The following CACNA2D1 variants were observed in gnomAD, a reference collection of about 807,000 sequenced individuals.
CACNA2D1 encodes voltage-dependent calcium channel subunit alpha-2/delta-1.
In CACNA2D1, 53 loss-of-function variants were observed where a neutral mutation model predicts 171.5. That is an observed-to-expected ratio of 0.31 (90% CI 0.25 to 0.39). The LOEUF (loss-of-function observed/expected upper bound fraction) is 0.39. CACNA2D1 is among the 10% of genes least tolerant of loss of function. The probability of loss-of-function intolerance (pLI) is 1.00; values close to 1 mark genes in which losing one functional copy is unlikely to be tolerated. For synonymous variants in CACNA2D1, 442 were observed against 443.1 expected (o/e 1.00, Z 0.03); for missense variants, 903 against 1,299.8 (o/e 0.69, Z 4.69).
Position 81,954,645 on chromosome 7 carries a change from C to T in CACNA2D1, c.3160-4137G>A, listed in dbSNP as rs538831037. 6.4e-4 allele frequency among the ~76,000 whole-genome samples: 97 copies of T among 152,180 alleles called. 1 individual carries two copies. The highest frequency in any genetic ancestry group is 2.3e-3 in the African/African-American group (94 of 41,542). On this transcript the variant is annotated intron_variant, in intron 38 of 38. Coordinates refer to ENST00000356860, the MANE Select transcript of CACNA2D1 (RefSeq NM_000722.4). ...TTATTAAATTTAGAAGTACATGTTT[C>T]AAAAGAAAATGTTCTGGTCATTTGG...
chr7:81,970,906 G>A (rs376970992), intron 26 of CACNA2D1, 169 bp from the exon 27 acceptor site: 1 of 589,822 alleles, frequency 1.7e-6, no homozygotes, highest in South Asian at 1.9e-5. Flanking sequence ...GTACTTGAAG[G>A]ATGTTTAAGG....
At chr7:82,336,802 T>C (rs1818056456) in intron 2 of CACNA2D1, among the ~76,000 whole-genome samples, 1 of 152,198 alleles carries the variant, frequency 6.6e-6, no homozygotes, top group South Asian at 2.1e-4. Flanking sequence ...CCAGGATATG[T>C]AGTTCTTTGC....
At chr7:82,051,128 A>G (rs1402961217) in intron 10 of CACNA2D1, 1 of 154,728 alleles carries the variant, frequency 6.5e-6, no homozygotes, top group Non-Finnish European at 1.4e-5. Flanking sequence ...GGAAGCAAAG[A>G]CTTTTACAAT....
At chr7:82,269,019 A>G (rs1371872381) in intron 3 of CACNA2D1, among the ~76,000 whole-genome samples, 1 of 152,190 alleles carries the variant, frequency 6.6e-6, no homozygotes, top group African/African-American at 2.4e-5. Context: ...CCTCTCTTGT[A>G]TACTCTTTCT....
In CACNA2D1 at chr7:82,355,711, C is replaced by T. The variant is rs150399309; in HGVS notation, c.96-6062G>A. Among the ~76,000 whole-genome samples the T allele has an allele frequency of 1.1e-4, 16 of 152,154 alleles. No individual in the cohort carries two copies. In the East Asian group the frequency reaches 1.5e-3, roughly 15 times the overall value. On this transcript the variant is annotated intron_variant, in intron 1 of 38. Coordinates refer to ENST00000356860, the MANE Select transcript of CACNA2D1 (RefSeq NM_000722.4). ...CTTTTATATTATTATCATCTGACTC[C>T]TTTTCATTTTCCCAAAGCCAAATAT...
intron 4 of CACNA2D1, among the ~76,000 whole-genome samples, chr7:82,165,941 A>T (rs902296688): frequency 1.3e-5 from 2 of 152,022 alleles, no homozygotes; most frequent in African/African-American, 4.8e-5. Flanking sequence ...CTCACTTTTT[A>T]TCCCTAAAAG....
Position 81,990,842 on chromosome 7 carries a change from A to G in CACNA2D1, c.1796+343T>C, listed in dbSNP as rs113542576. Among the ~76,000 whole-genome samples, 1,389 of 152,320 alleles carry G rather than the reference A, an allele frequency of 9.1e-3. 24 individuals carry two copies. The highest frequency in any genetic ancestry group is 0.031 in the African/African-American group (1,302 of 41,562). On this transcript the variant is annotated intron_variant, in intron 21 of 38. Coordinates refer to ENST00000356860, the MANE Select transcript of CACNA2D1 (RefSeq NM_000722.4). ...ACCACAATGATGAGATAAGCTTTAT[A>G]TTTTAGTTAGTTTTCAACTCAAATG...
At chr7:82,414,523 T>G (rs1827983674) in intron 1 of CACNA2D1, among the ~76,000 whole-genome samples, 3 of 152,258 alleles carry the variant, frequency 2.0e-5, no homozygotes, top group Admixed American at 1.3e-4. Context: ...CAATAATCTA[T>G]TGCATACTAA....
chr7:82,169,041 T>G (rs2129145250), intron 4 of CACNA2D1, among the ~76,000 whole-genome samples: 1 of 152,228 alleles, frequency 6.6e-6, no homozygotes. Flanking sequence ...CATGCACGCT[T>G]TATGTTGTGG....
chr7:82,427,905 A>C, intron 1 of CACNA2D1, among the ~76,000 whole-genome samples: 1 of 152,120 alleles, frequency 6.6e-6, no homozygotes. Context: ...GCAGCAACCC[A>C]AGGCCAGATG....
At position 82,326,827 on chromosome 7, in the gene CACNA2D1, G is replaced by A. The variant is rs192606573; in HGVS notation, c.294+8308C>T. Among the ~76,000 whole-genome samples, 8 of 109,176 alleles carry A rather than the reference G, an allele frequency of 7.3e-5. 2 individuals are homozygous for A. The South Asian group carries it at 2.0e-3, about 27-fold the overall frequency. The allele number at this position is 109,176 out of a possible 152,430, so 71.6% of individuals were successfully genotyped here. On this transcript the variant is annotated intron_variant, in intron 3 of 38. Transcript: ENST00000356860. ...TGACCATTATCAGATCCTATCTAACGTGATTCCTGGTTTCAAATACTTCAA... is the reference window on the plus strand; with the variant it reads ...TGACCATTATCAGATCCTATCTAACATGATTCCTGGTTTCAAATACTTCAA...
At position 82,365,897 on chromosome 7, in the gene CACNA2D1, A is replaced by G. The variant is rs3801689; in HGVS notation, c.96-16248T>C. Among the ~76,000 whole-genome samples the G allele has an allele frequency of 5.3e-4, 81 of 152,314 alleles. No individual in the cohort carries two copies. The East Asian group carries it at 0.011, about 21-fold the overall frequency. ...TCCTGAACACAGTTAGATGACAGAC[A>G]AGAATATTGGGTACTCAAGCTACTA... On this transcript the variant is annotated intron_variant, in intron 1 of 38. Coordinates refer to ENST00000356860, the MANE Select transcript of CACNA2D1 (RefSeq NM_000722.4).
At chr7:82,374,544 T>C (rs746392038) in intron 1 of CACNA2D1, among the ~76,000 whole-genome samples, 2 of 152,082 alleles carry the variant, frequency 1.3e-5, no homozygotes, top group Non-Finnish European at 2.9e-5. Flanking sequence ...GTTTCATCCA[T>C]CTTTGCAAAT....
At chr7:82,120,598 C>T (rs1650805880) in intron 5 of CACNA2D1, among the ~76,000 whole-genome samples, 1 of 151,986 alleles carries the variant, frequency 6.6e-6, no homozygotes, top group Admixed American at 6.6e-5. Context: ...AAGTTTAGGC[C>T]AGGCATGGTG....
chr7:81,967,310 G>A, intron 30 of CACNA2D1, 103 bp from the exon 31 acceptor site: 1 of 983,612 alleles, frequency 1.0e-6, no homozygotes, highest in South Asian at 1.4e-5. Flanking sequence ...TTATCCAGTA[G>A]AAAAATAAGA....
intron 1 of CACNA2D1, among the ~76,000 whole-genome samples, chr7:82,363,186 C>G (rs1333663159): frequency 6.7e-6 from 1 of 148,556 alleles, no homozygotes; most frequent in Non-Finnish European, 1.5e-5. Flanking sequence ...AAAATAGTCT[C>G]TTATAATTTA....
intron 1 of CACNA2D1, among the ~76,000 whole-genome samples, chr7:82,357,140 A>G (rs982204334): frequency 2.0e-5 from 3 of 152,202 alleles, no homozygotes; most frequent in Non-Finnish European, 4.4e-5. Flanking sequence ...GATTTTCATT[A>G]AGCATGAGAG....
chr7:82,136,679 A>G lies in CACNA2D1; in HGVS notation c.355-3T>C. ...TTGTAGTAGACAACTTCATTGCTCT[A>G]CAAAAAAAAAAGAACGCTTTATTGA... On this transcript the variant is annotated splice_region_variant and splice_polypyrimidine_tract_variant and intron_variant, in intron 4 of 38. Coordinates refer to ENST00000356860, the MANE Select transcript of CACNA2D1 (RefSeq NM_000722.4). The G allele has an allele frequency of 6.4e-7, 1 of 1,570,834 alleles. No homozygotes were observed. Among genetic ancestry groups the G allele is most frequent in the Non-Finnish European group, 8.7e-7 (1 of 1,155,382 alleles).
chr7:81,986,156 A>G (rs73705428), intron 21 of CACNA2D1, among the ~76,000 whole-genome samples: 2,578 of 152,252 alleles, frequency 0.017, 73 homozygotes, highest in African/African-American at 0.059. Context: ...CTATGCTTTG[A>G]ATATAGAAGA....
Sources: allele counts gnomAD v4.1 joint callset (sites outside exome capture counted in the v4.1 genomes callset), GRCh38; gene constraint gnomAD v4.1.1; transcripts MANE v1.5; gene names NCBI Gene and HGNC (gene_info 2026-07-23, HGNC 2026-07-21).